CYP17A1: variants seen among roughly 807,000 people sequenced by gnomAD.
The protein encoded by CYP17A1 is steroid 17-alpha-hydroxylase/17,20 lyase.
Under a neutral mutation model 38.5 loss-of-function variants are expected in CYP17A1, and 27 were observed. The observed-to-expected ratio is 0.70, with a 90% confidence interval of 0.52 to 0.97. The LOEUF (loss-of-function observed/expected upper bound fraction) is 0.97. Ranked by LOEUF, CYP17A1 falls within the 50% of genes least tolerant of loss-of-function variation. CYP17A1 has a pLI of 0.00. For synonymous variants in CYP17A1, 263 were observed against 253.3 expected (o/e 1.04, Z -0.36); for missense variants, 549 against 645.9 (o/e 0.85, Z 1.63).
intron 3 of CYP17A1, 196 bp downstream of exon 3, chr10:102,834,589 G>A (rs569013930): frequency 2.9e-6 from 2 of 696,760 alleles, no homozygotes; most frequent in African/African-American, 1.8e-5. Flanking sequence ...GAGTACTAAG[G>A]TGCATAATTA....
chr10:102,836,739 GTAC>G, intron 1 of CYP17A1: 1 of 419,454 alleles, frequency 2.4e-6, no homozygotes, highest in South Asian at 2.2e-5. Flanking sequence ...GCTAAGTGCT[GTAC>G]ATGCACCTTC....
chr10:102,833,200 G>C lies in CYP17A1; in HGVS notation c.762C>G (p.Phe254Leu). 4.3e-6 allele frequency: 7 copies of C among 1,614,130 alleles called. No homozygotes were observed. Among genetic ancestry groups the C allele is most frequent in the Non-Finnish European group, 5.9e-6 (7 of 1,180,024 alleles). Reference protein sequence around the residue: ...NKILENYKEKFRSDSITNMLD... With the variant: ...NKILENYKEKLRSDSITNMLD... ...GCATGTTGGTGATAGAGTCACTCCG[G>C]AATTTCTCCTGGGTTGGGTGAGGTT... The change falls in exon 5 of 8, where the codon TTC becomes TTG. Residue 254 changes from phenylalanine to leucine, a missense_variant. This residue lies in a region of CYP17A1 where 289 missense variants were observed against 320.9 expected (regional missense o/e 0.90). Coordinates refer to ENST00000369887, the MANE Select transcript of CYP17A1 (RefSeq NM_000102.4).
chr10:102,831,426 G>A, intron 7 of CYP17A1, 82 bp downstream of exon 7: 1 of 1,583,266 alleles, frequency 6.3e-7, no homozygotes, highest in East Asian at 2.3e-5. Flanking sequence ...AGCAAGCTTG[G>A]CAGAGGTGAA....
At chr10:102,834,547 G>T in intron 3 of CYP17A1, 1 of 615,390 alleles carries the variant, frequency 1.6e-6, no homozygotes, top group Non-Finnish European at 2.9e-6. Flanking sequence ...CTGGCACATG[G>T]TAATTGGAAA....
rs1290697084 is a variant in CYP17A1, at chr10:102,835,527, C to A, written c.298-135G>T. ...TGCTGACTCCCATGTGGGCACAGCC[C>A]CACTGCACTCCACCATGACTGCAAG... On this transcript the variant is annotated intron_variant, in intron 1 of 7. Coordinates refer to ENST00000369887, the MANE Select transcript of CYP17A1 (RefSeq NM_000102.4). The A allele has an allele frequency of 1.7e-5, 13 of 779,406 alleles. No homozygotes were observed. In the East Asian group the frequency reaches 3.0e-4, roughly 18 times the overall value. The allele number at this position is 779,406 out of a possible 1,614,324, so 48.3% of individuals were successfully genotyped here.
intron 6 of CYP17A1, among the ~76,000 whole-genome samples, 195 bp downstream of exon 6, chr10:102,832,316 C>T (rs1844101279): frequency 6.6e-6 from 1 of 152,242 alleles, no homozygotes; most frequent in African/African-American, 2.4e-5. Context: ...TCATGATCCA[C>T]CCGCCTCGAC....
At chr10:102,831,239 G>T (rs189645741) in intron 7 of CYP17A1, among the ~76,000 whole-genome samples, 1 of 152,250 alleles carries the variant, frequency 6.6e-6, no homozygotes, top group African/African-American at 2.4e-5. Context: ...AGCACCATCC[G>T]AGGGGAGAAG....
chr10:102,835,366 G>A lies in CYP17A1; in HGVS notation c.324C>T (p.Asn108=). 6.2e-7 allele frequency: 1 copy of A among 1,612,878 alleles called. No individual in the cohort carries two copies. Among genetic ancestry groups the A allele is most frequent in the South Asian group, 1.1e-5 (1 of 91,066 alleles). ...QMATLDIASN[N]RKGIAFADSG... ...AGTCAGCGAAGGCGATACCCTTACG[G>A]TTGTTGGACGCGATGTCTAGAGTTG... is the stretch of plus-strand genomic sequence containing the variant. The change falls in exon 2 of 8, where the codon AAC becomes AAT. Residue 108 remains asparagine (N), a synonymous_variant. Transcript: ENST00000369887.
rs1366534270 is a variant in CYP17A1 at position 102,835,394 on chromosome 10, T to C, written c.298-2A>G. On this transcript the variant is annotated splice_acceptor_variant, in intron 1 of 7. Transcript: ENST00000369887. LOFTEE classifies it high-confidence loss of function. ...GTTGGACGCGATGTCTAGAGTTGCC[T>C]TTAGAGAGCAGGCAAGGCTGTAGGA... is the stretch of plus-strand genomic sequence containing the variant. 6.2e-7 allele frequency: 1 copy of C among 1,611,412 alleles called. No homozygotes were observed. Among genetic ancestry groups the C allele is most frequent in the South Asian group, 1.1e-5 (1 of 91,034 alleles).
At chr10:102,836,395 T>TG (rs1392035514) in intron 1 of CYP17A1, among the ~76,000 whole-genome samples, 2 of 145,988 alleles carry the variant, frequency 1.4e-5, no homozygotes, top group Non-Finnish European at 3.0e-5. Flanking sequence ...AGGCAGAGGT[T>TG]GCAGTGAGCT....
chr10:102,831,794 C>T (rs1467651238), intron 6 of CYP17A1, 183 bp from the exon 7 acceptor site: 15 of 1,116,494 alleles, frequency 1.3e-5, no homozygotes, highest in East Asian at 5.4e-5. Flanking sequence ...CCATCCCTTC[C>T]CTCCTAACAG....
chr10:102,832,704 G>A (rs1393395104), intron 5 of CYP17A1, 24 bp from the exon 6 acceptor site: 2 of 1,506,612 alleles, frequency 1.3e-6, no homozygotes, highest in Non-Finnish European at 1.8e-6. Context: ...TAGGTTGGAG[G>A]TGACTAGTGT....
chr10:102,835,402 G>T lies in CYP17A1; in HGVS notation c.298-10C>A. On this transcript the variant is annotated splice_polypyrimidine_tract_variant and intron_variant, in intron 1 of 7. Transcript: ENST00000369887. ...CGATGTCTAGAGTTGCCTTTAGAGA[G>T]CAGGCAAGGCTGTAGGAATCTCACA... The T allele has an allele frequency of 6.2e-7, 1 of 1,608,360 alleles. No individual in the cohort carries two copies. Among genetic ancestry groups the T allele is most frequent in the South Asian group, 1.1e-5 (1 of 90,944 alleles).
Position 102,832,710 on chromosome 10 carries a change from A to G in CYP17A1, c.970-30T>C, listed in dbSNP as rs1564778232. On this transcript the variant is annotated intron_variant, in intron 5 of 7. Coordinates refer to ENST00000369887, the MANE Select transcript of CYP17A1 (RefSeq NM_000102.4). ...AGACCAGAGTAGGTTGGAGGTGACTAGTGTGTGTAAGCCCAGGAGAAGCAA... is the reference window on the plus strand; with the variant it reads ...AGACCAGAGTAGGTTGGAGGTGACTGGTGTGTGTAAGCCCAGGAGAAGCAA... The G allele has an allele frequency of 2.1e-6, 3 of 1,451,042 alleles. No individual in the cohort carries two copies. In the Admixed American group the frequency reaches 5.0e-5, roughly 24 times the overall value. The allele number at this position is 1,451,042 out of a possible 1,614,324, so 89.9% of individuals were successfully genotyped here.
chr10:102,831,841 G>T (rs1203304259), intron 6 of CYP17A1: 1 of 691,270 alleles, frequency 1.4e-6, no homozygotes, highest in Non-Finnish European at 2.4e-6. Context: ...GTGGACTTTG[G>T]TGTCTGGCAG....
chr10:102,831,145 C>T (rs1359184183), intron 7 of CYP17A1, among the ~76,000 whole-genome samples, 160 bp from the exon 8 acceptor site: 2 of 149,814 alleles, frequency 1.3e-5, no homozygotes, highest in Non-Finnish European at 3.0e-5. Context: ...AGATACAGCC[C>T]TGCTTTCAGG....
At chr10:102,833,409 CTA>C (rs1330770272) in intron 4 of CYP17A1, 1 of 892,666 alleles carries the variant, frequency 1.1e-6, no homozygotes, top group African/African-American at 1.7e-5. Flanking sequence ...TAGGTCTCTT[CTA>C]GGATCCTCTT....
chr10:102,831,711 C>A (rs1022428623), intron 6 of CYP17A1, 100 bp from the exon 7 acceptor site: 19 of 1,554,168 alleles, frequency 1.2e-5, no homozygotes, highest in Middle Eastern at 3.3e-4. Flanking sequence ...GGAAAATGCC[C>A]TTTACTCCCT....
rs1564779149 is a variant in CYP17A1, at chr10:102,835,297, G to A, written c.393C>T (p.Thr131=). ...GATCGCCATCCTTGAACAGGGCAAA[G>A]GTGGCCATCGCCAGCCTTCGATGCA... The part of the protein sequence containing the change: ...WQLHRRLAMA[T]FALFKDGDQK... Residue 131 remains threonine, a synonymous_variant, in exon 2 of 8, where the codon ACC becomes ACT. Transcript: ENST00000369887. The A allele has an allele frequency of 2.5e-6, 4 of 1,613,094 alleles. No individual in the cohort carries two copies. Among genetic ancestry groups the A allele is most frequent in the African/African-American group, 1.3e-5 (1 of 75,042 alleles).
Sources: allele counts gnomAD v4.1 joint callset (sites outside exome capture counted in the v4.1 genomes callset), GRCh38; gene constraint gnomAD v4.1.1; regional missense constraint gnomAD v4.1.1; transcripts MANE v1.5; gene names NCBI Gene and HGNC (gene_info 2026-07-23, HGNC 2026-07-21).